The following CLIP1 variants were observed in gnomAD, a reference collection of about 807,000 sequenced individuals.
CLIP1 encodes the protein CAP-Gly domain-containing linker protein 1.
A neutral mutation model predicts 161.6 loss-of-function variants in CLIP1; 66 were observed. The ratio of observed to expected loss-of-function variants is 0.41; its 90% confidence interval spans 0.33 to 0.50. CLIP1 has a LOEUF of 0.50. Among genes scored for constraint, CLIP1 ranks in the 20% least tolerant of loss-of-function variants. The pLI, the probability that CLIP1 is intolerant of heterozygous loss-of-function variation, is 0.27. For missense variants in CLIP1, 1,376 were observed against 1,702.0 expected, an observed-to-expected ratio of 0.81 and a Z score of 3.37; for synonymous variants, 598 against 626.2, an observed-to-expected ratio of 0.96 and a Z score of 0.67.
chr12:122,338,860 C>T (rs550659419), intron 11 of CLIP1, among the ~76,000 whole-genome samples: 11 of 152,274 alleles, frequency 7.2e-5, no homozygotes, highest in East Asian at 5.8e-4. Flanking sequence ...ATTAGTATTT[C>T]GGAACCACAT....
At chr12:122,287,528 C>A (rs1161226421) in intron 21 of CLIP1, among the ~76,000 whole-genome samples, 1 of 152,198 alleles carries the variant, frequency 6.6e-6, no homozygotes. Context: ...ACCCACTGGA[C>A]AGGCTGTGGT....
intron 7 of CLIP1, among the ~76,000 whole-genome samples, chr12:122,354,134 C>T (rs1297341250): frequency 6.6e-6 from 1 of 151,888 alleles, no homozygotes; most frequent in Non-Finnish European, 1.5e-5. Flanking sequence ...GTGGCTCACA[C>T]CTGTAATCCC....
rs768785671 is a variant in CLIP1 at position 122,328,376 on chromosome 12, C to G, written c.2918G>C (p.Ser973Thr). ...GTCCTCAATACTTTTTTGCAGAAAA[C>G]TTGCATTTTCATTAGCCTTTGTAAG... Reference protein sequence around the residue: ...LKLTKANENASFLQKSIEDMT... With the variant: ...LKLTKANENATFLQKSIEDMT... The change falls in exon 16 of 26, where the codon AGT becomes ACT. Residue 973 changes from serine to threonine, a missense_variant. Physicochemically the swap from Ser to Thr is moderately conservative, Grantham distance 58. This residue lies in a region of CLIP1 where 948 missense variants were observed against 1,134.8 expected (regional missense o/e 0.84). Coordinates refer to ENST00000620786, the MANE Select transcript of CLIP1 (RefSeq NM_001247997.2). The G allele has an allele frequency of 6.2e-7, 1 of 1,612,808 alleles. No homozygotes were observed. The highest frequency in any genetic ancestry group is 1.1e-5 in the South Asian group (1 of 90,548).
intron 1 of CLIP1, among the ~76,000 whole-genome samples, chr12:122,419,964 CTGAG>C (rs1230171973): frequency 5.6e-4 from 81 of 143,728 alleles, no homozygotes; most frequent in African/African-American, 1.9e-3. Flanking sequence ...TCAAACATGA[CTGAG>C]TTAGTTCATG....
chr12:122,392,592 G>A (rs1955707442), intron 1 of CLIP1, among the ~76,000 whole-genome samples: 1 of 152,006 alleles, frequency 6.6e-6, no homozygotes, highest in Non-Finnish European at 1.5e-5. Flanking sequence ...CACTGTTCCA[G>A]GAGCCCCAGA....
At chr12:122,329,435 C>A (rs1951847574) in intron 15 of CLIP1, among the ~76,000 whole-genome samples, 1 of 151,928 alleles carries the variant, frequency 6.6e-6, no homozygotes, top group Admixed American at 6.6e-5. Context: ...TTAAGACCAT[C>A]CTGGCTAACA....
rs1955552166 is a variant in CLIP1, at chr12:122,279,254, AT to A, written c.3648-110del. On this transcript the variant is annotated intron_variant, in intron 21 of 25. Coordinates refer to ENST00000620786, the MANE Select transcript of CLIP1 (RefSeq NM_001247997.2). The surrounding 1 kb of genome is among the most constrained non-coding windows in gnomAD (Gnocchi z 4.5). ...AATGTTAGTTAATGTAAAAAAAAAAATATAACAGGGAAGTTTTATAGGGAGT... is the reference window on the plus strand; with the variant it reads ...AATGTTAGTTAATGTAAAAAAAAAAAATAACAGGGAAGTTTTATAGGGAGT... 9.8e-6 allele frequency: 7 copies of A among 710,898 alleles called. No homozygotes were observed. The Admixed American group carries it at 1.4e-4, about 15-fold the overall frequency. The allele number at this position is 710,898 out of a possible 1,614,324, so 44.0% of individuals were successfully genotyped here.
intron 24 of CLIP1, chr12:122,277,412 G>A (rs1186896965): frequency 4.6e-5 from 7 of 151,020 alleles, no homozygotes; most frequent in Non-Finnish European, 1.0e-4. Context: ...AAACTTTTGG[G>A]CTCAAGCAAT....
chr12:122,399,440 A>G (rs1956063907), intron 1 of CLIP1: 2 of 152,236 alleles, frequency 1.3e-5, no homozygotes, highest in Admixed American at 6.6e-5. Flanking sequence ...CCCAGATCTG[A>G]TAAGAGCTTC....
chr12:122,349,903 G>GTT lies in CLIP1; in HGVS notation c.1401+1206_1401+1207dup, dbSNP rs66666037. On this transcript the variant is annotated intron_variant, in intron 9 of 25. Coordinates refer to ENST00000620786, the MANE Select transcript of CLIP1 (RefSeq NM_001247997.2). ...AGTCTTGTGTTTTTTTGTTTTTTTT[G>GTT]TTTTTTTTGTTTTTTTTTGAGATGG... 3.9e-3 allele frequency among the ~76,000 whole-genome samples: 573 copies of GTT among 145,590 alleles called. 3 individuals are homozygous for GTT. The highest frequency in any genetic ancestry group is 6.4e-3 in the Non-Finnish European group (427 of 66,564).
At chr12:122,332,617 C>T (rs977851610) in intron 15 of CLIP1, among the ~76,000 whole-genome samples, 2 of 152,056 alleles carry the variant, frequency 1.3e-5, no homozygotes, top group African/African-American at 4.8e-5. Flanking sequence ...GACAAGGTTT[C>T]GCCATGTTGG....
At chr12:122,422,037 C>A (rs1956963158) in intron 1 of CLIP1, among the ~76,000 whole-genome samples, 1 of 152,164 alleles carries the variant, frequency 6.6e-6, no homozygotes, top group African/African-American at 2.4e-5. Context: ...CCCTCCATGC[C>A]GGATCGCGGG....
Position 122,309,866 on chromosome 12 carries a change from C to T in CLIP1, c.3490G>A (p.Ala1164Thr), listed in dbSNP as rs2136508164. ...FRKEIETLKQ[A>T]AAQKSQQLSA... is the part of the protein sequence containing the mutation. ...AGCTGCTGGGACTTCTGAGCTGCTG[C>T]CTGCTTTAGGGTTTCTCTGCAAGGA... The change falls in exon 20 of 26, where the codon GCA becomes ACA. Residue 1164 changes from alanine (A) to threonine (T), a missense_variant. Physicochemically the swap from Ala to Thr is moderately conservative, Grantham distance 58. This residue lies in a region of CLIP1 where 948 missense variants were observed against 1,134.8 expected (regional missense o/e 0.84). Transcript: ENST00000620786. 6.2e-7 allele frequency: 1 copy of T among 1,614,098 alleles called. No homozygotes were observed. Among genetic ancestry groups the T allele is most frequent in the South Asian group, 1.1e-5 (1 of 91,078 alleles).
At chr12:122,384,545 T>A (rs547526174) in intron 1 of CLIP1, among the ~76,000 whole-genome samples, 11 of 152,128 alleles carry the variant, frequency 7.2e-5, no homozygotes, top group African/African-American at 2.6e-4. Flanking sequence ...GCGGATCACC[T>A]GAGGTCAGGA....
intron 24 of CLIP1, chr12:122,276,626 T>A: frequency 2.3e-6 from 1 of 434,732 alleles, no homozygotes; most frequent in Non-Finnish European, 3.7e-6. Context: ...GTCTGGCAAC[T>A]AACATCTCAA....
chr12:122,306,081 C>T (rs1950863070), intron 20 of CLIP1, among the ~76,000 whole-genome samples: 3 of 149,852 alleles, frequency 2.0e-5, no homozygotes, highest in South Asian at 2.1e-4. Context: ...AGCAGAAGAA[C>T]GTGAAAAGAC....
At chr12:122,373,874 C>G (rs1466478660) in intron 3 of CLIP1, among the ~76,000 whole-genome samples, 1 of 152,076 alleles carries the variant, frequency 6.6e-6, no homozygotes, top group Non-Finnish European at 1.5e-5. Context: ...TGTTTCACTT[C>G]TACATATTAT....
chr12:122,292,708 G>A (rs1454797122), intron 20 of CLIP1, among the ~76,000 whole-genome samples: 1 of 152,084 alleles, frequency 6.6e-6, no homozygotes, highest in Non-Finnish European at 1.5e-5. Context: ...ATATTGTTAA[G>A]AAAGTATAAA....
rs148995036 is a variant in CLIP1 at position 122,359,248 on chromosome 12, G to C, written c.1005+1711C>G. The stretch of plus-strand genomic sequence containing the variant: ...AACCATAAAGACACAAAAATAAGCT[G>C]TCTCACAGGTACAGAAACTCACGTC... On this transcript the variant is annotated intron_variant, in intron 5 of 25. Coordinates refer to ENST00000620786, the MANE Select transcript of CLIP1 (RefSeq NM_001247997.2). Among the ~76,000 whole-genome samples, 447 of 152,250 alleles carry C rather than the reference G, an allele frequency of 2.9e-3. 1 individual carries two copies. Among genetic ancestry groups the C allele is most frequent in the African/African-American group, 0.01 (426 of 41,548 alleles).
Sources: gnomAD v4.1 joint callset for allele counts (sites outside exome capture counted in the v4.1 genomes callset) on GRCh38, gnomAD v4.1.1 for gene constraint, gnomAD v4.1.1 regional missense constraint, Gnocchi (gnomAD v3.1) non-coding constraint, MANE v1.5 for transcripts, NCBI Gene and HGNC (gene_info 2026-07-23, HGNC 2026-07-21) for gene names.